Variants in PPP4R1 observed in about 807,000 individuals in gnomAD.
PPP4R1 encodes serine/threonine-protein phosphatase 4 regulatory subunit 1.
A neutral mutation model predicts 111.2 loss-of-function variants in PPP4R1; 42 were observed. That is an observed-to-expected ratio of 0.38 (90% confidence interval 0.29 to 0.49). PPP4R1 has a LOEUF of 0.49. Among genes scored for constraint, PPP4R1 ranks in the 20% least tolerant of loss-of-function variants. The pLI is 0.97. For missense variants in PPP4R1, 1,012 were observed against 1,161.6 expected, an observed-to-expected ratio of 0.87 and a Z score of 1.87; for synonymous variants, 409 against 405.5, an observed-to-expected ratio of 1.01 and a Z score of -0.10.
intron 2 of PPP4R1, among the ~76,000 whole-genome samples, chr18:9,602,407 G>C (rs1314978): frequency 1.3e-5 from 2 of 148,652 alleles, no homozygotes; most frequent in Non-Finnish European, 3.0e-5. Context: ...TTAGCCGGGC[G>C]TGGTGGCGGG....
At chr18:9,582,022 C>T (rs550915321) in intron 9 of PPP4R1, among the ~76,000 whole-genome samples, 2 of 151,986 alleles carry the variant, frequency 1.3e-5, no homozygotes, top group Admixed American at 1.3e-4. Context: ...TTCGCAGAAC[C>T]ACATTAACAA....
intron 2 of PPP4R1, among the ~76,000 whole-genome samples, chr18:9,599,911 T>TGG (rs2067352165): frequency 6.6e-6 from 1 of 152,170 alleles, no homozygotes; most frequent in South Asian, 2.1e-4. Context: ...GACAAGCTTG[T>TGG]GGCACTTACC....
At chr18:9,548,812 G>A (rs2066441751) in intron 19 of PPP4R1, among the ~76,000 whole-genome samples, 1 of 152,206 alleles carries the variant, frequency 6.6e-6, no homozygotes, top group African/African-American at 2.4e-5. Context: ...CAGCTACTGG[G>A]GAGGCTGAGG....
rs1168580941 is a variant in PPP4R1, at chr18:9,614,076, TC to T, written c.52+149del. ...CCGTTTCCTCACGGACGCGAGATTT[TC>T]CCCCCCGATCGCCACCCCAGCCCGC... On this transcript the variant is annotated intron_variant, in intron 2 of 19. Transcript: ENST00000400556. This position sits in a 1 kb window ranked among gnomAD's most constrained non-coding sequence, Gnocchi z 4.1. The T allele has an allele frequency of 5.9e-5, 34 of 574,354 alleles. No individual in the cohort carries two copies. The highest frequency in any genetic ancestry group is 1.6e-4 in the South Asian group (2 of 12,482). 35.6% of individuals were successfully genotyped at this position (574,354 alleles called of 1,614,324 possible). A position where few individuals can be genotyped will look rare whatever the true frequency, so the allele number is the denominator to read the frequency against.
chr18:9,592,906 G>T (rs2067235815), intron 4 of PPP4R1, among the ~76,000 whole-genome samples: 1 of 152,142 alleles, frequency 6.6e-6, no homozygotes, highest in Non-Finnish European at 1.5e-5. Flanking sequence ...AAGCAATTAT[G>T]TACACAAAGG....
intron 9 of PPP4R1, among the ~76,000 whole-genome samples, chr18:9,579,045 T>C (rs2145165221): frequency 6.6e-6 from 1 of 152,290 alleles, no homozygotes; most frequent in East Asian, 1.9e-4. Flanking sequence ...AATCCTACTA[T>C]TAATCTACCT....
chr18:9,603,672 G>C (rs925787047), intron 2 of PPP4R1, among the ~76,000 whole-genome samples: 5 of 152,074 alleles, frequency 3.3e-5, no homozygotes, highest in Non-Finnish European at 7.4e-5. Flanking sequence ...ATTTTTTGTA[G>C]AGCTGCTGGT....
intron 16 of PPP4R1, chr18:9,551,052 T>C (rs1347142193): frequency 2.0e-5 from 3 of 152,298 alleles, no homozygotes; most frequent in Non-Finnish European, 4.4e-5. Context: ...AACATGAATA[T>C]AGATTATGCA....
chr18:9,587,092 A>G (rs1431485598), intron 6 of PPP4R1, among the ~76,000 whole-genome samples: 2 of 152,190 alleles, frequency 1.3e-5, no homozygotes, highest in Non-Finnish European at 2.9e-5. Context: ...GGAGCAAAGT[A>G]TTATTTTATT....
At chr18:9,573,738 C>T (rs1477873993) in intron 10 of PPP4R1, among the ~76,000 whole-genome samples, 6 of 152,134 alleles carry the variant, frequency 3.9e-5, no homozygotes, top group African/African-American at 1.4e-4. Context: ...GATGGAATTA[C>T]AGGGCCTTGA....
chr18:9,604,992 T>A (rs1184385227), intron 2 of PPP4R1, among the ~76,000 whole-genome samples: 1 of 152,192 alleles, frequency 6.6e-6, no homozygotes, highest in African/African-American at 2.4e-5. Flanking sequence ...AGAGAACTTT[T>A]TAATTCGTAC....
At chr18:9,555,593 C>T (rs889539001) in intron 15 of PPP4R1, among the ~76,000 whole-genome samples, 9 of 152,084 alleles carry the variant, frequency 5.9e-5, no homozygotes, top group Non-Finnish European at 8.8e-5. Flanking sequence ...TGATGTGGCA[C>T]ATTCAGAAAA....
intron 2 of PPP4R1, among the ~76,000 whole-genome samples, chr18:9,605,545 T>C (rs1440740106): frequency 9.1e-6 from 1 of 110,268 alleles, no homozygotes; most frequent in African/African-American, 3.7e-5. Context: ...AACTACACTA[T>C]CACTTATGTA....
intron 3 of PPP4R1, 192 bp downstream of exon 3, chr18:9,594,826 T>C (rs902408258): frequency 1.7e-5 from 9 of 520,720 alleles, no homozygotes; most frequent in East Asian, 3.4e-5. Context: ...AAAGAAAGCA[T>C]GTTGTATGCT....
chr18:9,550,965 C>T (rs964435227), intron 16 of PPP4R1: 3 of 152,440 alleles, frequency 2.0e-5, no homozygotes, highest in Non-Finnish European at 4.4e-5. Flanking sequence ...GAAGAAATAC[C>T]TTGGATGTGA....
intron 16 of PPP4R1, among the ~76,000 whole-genome samples, chr18:9,552,850 T>C (rs755687689): frequency 9.9e-5 from 15 of 152,152 alleles, no homozygotes; most frequent in Admixed American, 5.2e-4. Context: ...AGCTAGAGGA[T>C]ACAATATGGA....
chr18:9,549,255 C>G lies in PPP4R1; in HGVS notation c.2631G>C (p.Arg877Ser), dbSNP rs1373618756. 7.4e-6 allele frequency: 12 copies of G among 1,613,872 alleles called. No individual in the cohort carries two copies. The highest frequency in any genetic ancestry group is 5.0e-5 in the Admixed American group (3 of 59,994). ...MPHLLTLAND[R>S]VPNVRVLLAK... ...CAAGCAGCACTCGCACGTTAGGAAC[C>G]CTGTCATTTGCTAAGGTTAGCAGAT... The change falls in exon 19 of 20, where the codon AGG (arginine) becomes AGC (serine). Residue 877 changes from arginine to serine, a missense_variant. Physicochemically the swap from Arg to Ser is moderately radical, Grantham distance 110. This residue lies in a region of PPP4R1 where 305 missense variants were observed against 419.5 expected (regional missense o/e 0.73). Coordinates refer to ENST00000400556, the MANE Select transcript of PPP4R1 (RefSeq NM_001042388.3).
intron 6 of PPP4R1, 59 bp downstream of exon 6, chr18:9,588,030 T>C (rs928225836): frequency 1.3e-6 from 2 of 1,598,354 alleles, no homozygotes; most frequent in Non-Finnish European, 1.7e-6. Flanking sequence ...GCCTGACTTT[T>C]AATAAGCACC....
intron 10 of PPP4R1, among the ~76,000 whole-genome samples, chr18:9,574,237 G>T (rs1014375894): frequency 6.6e-6 from 1 of 152,130 alleles, no homozygotes; most frequent in Non-Finnish European, 1.5e-5. Flanking sequence ...ACTTAAGGAG[G>T]AATCTTAAGT....
Sources: gnomAD v4.1 joint callset for allele counts (sites outside exome capture counted in the v4.1 genomes callset) on GRCh38, gnomAD v4.1.1 for gene constraint, gnomAD v4.1.1 regional missense constraint, Gnocchi (gnomAD v3.1) non-coding constraint, MANE v1.5 for transcripts, NCBI Gene and HGNC (gene_info 2026-07-23, HGNC 2026-07-21) for gene names.